CCNF: variants seen among roughly 807,000 people sequenced by gnomAD.
CCNF encodes cyclin F, also known as cyclin-F.
Under a neutral mutation model 85.4 loss-of-function variants are expected in CCNF, and 30 were observed. That is an observed-to-expected ratio of 0.35 (90% confidence interval 0.26 to 0.48). The LOEUF (loss-of-function observed/expected upper bound fraction) is 0.48, where lower values mean the gene tolerates loss of function less well. CCNF is among the 20% of genes least tolerant of loss of function. CCNF has a pLI of 0.99. For synonymous variants in CCNF, 439 were observed against 425.1 expected, an observed-to-expected ratio of 1.03 and a Z score of -0.40; for missense variants, 919 against 1,010.4, an observed-to-expected ratio of 0.91 and a Z score of 1.23.
rs202217366 is a variant in CCNF, at chr16:2,449,809, G to T, written c.1400-19G>T. On this transcript the variant is annotated intron_variant, in intron 12 of 16. Transcript: ENST00000397066. ...CGTCCCCTCCATCCCCTCCACCCCT[G>T]GCCTGCTTTCCTCCCCAGCACAGCC... 63 of 682,204 alleles carry T rather than the reference G, an allele frequency of 9.2e-5. No individual in the cohort carries two copies. The East Asian group carries it at 5.8e-3, about 63-fold the overall frequency. The allele number at this position is 682,204 out of a possible 1,614,324, so 42.3% of individuals were successfully genotyped here. A position where few individuals can be genotyped will look rare whatever the true frequency, so the allele number is the denominator to read the frequency against.
rs767962309 is a variant in CCNF, at chr16:2,453,497, C to A, written c.1675C>A (p.His559Asn). 4 of 1,614,050 alleles carry A rather than the reference C, an allele frequency of 2.5e-6. No homozygotes were observed. In the Admixed American group the frequency reaches 5.0e-5, roughly 20 times the overall value. ...GACTTTCCTCAGCACAGGGGAGATC[C>A]ACGCCTTCCTCAGCTCTCCCTCGGG... ...PPTFLSTGEI[H>N]AFLSSPSGRR... Residue 559 changes from histidine (H) to asparagine (N), a missense_variant, in exon 15 of 17, where the codon CAC (histidine) becomes AAC (asparagine). This residue lies in a region of CCNF where 505 missense variants were observed against 514.8 expected (regional missense o/e 0.98). Transcript: ENST00000397066. The surrounding 1 kb of genome is among the most constrained non-coding windows in gnomAD (Gnocchi z 5.6).
Position 2,435,742 on chromosome 16 carries a change from C to T in CCNF, c.279-64C>T, listed in dbSNP as rs1026452292. ...ACAAGTATTCTGACTTCTTCAAGTG[C>T]TGTAGTAGTTCATAACGTTTGTGGC... On this transcript the variant is annotated intron_variant, in intron 3 of 16. Coordinates refer to ENST00000397066, the MANE Select transcript of CCNF (RefSeq NM_001761.3). 6 of 1,064,126 alleles carry T rather than the reference C, an allele frequency of 5.6e-6. No homozygotes were observed. The East Asian group carries it at 7.2e-5, about 13-fold the overall frequency. The allele number at this position is 1,064,126 out of a possible 1,614,324, so 65.9% of individuals were successfully genotyped here.
At chr16:2,437,443 G>A (rs2065297581) in intron 5 of CCNF, 121 bp downstream of exon 5, 1 of 705,832 alleles carries the variant, frequency 1.4e-6, no homozygotes, top group Non-Finnish European at 2.2e-6. Flanking sequence ...TGAAGATGCA[G>A]AAAACTGAGA....
intron 10 of CCNF, among the ~76,000 whole-genome samples, chr16:2,446,136 G>A (rs1056956635): frequency 2.6e-5 from 4 of 152,200 alleles, no homozygotes; most frequent in African/African-American, 9.6e-5. Context: ...CCTTCAGCGT[G>A]TGGGGGCCGC....
intron 4 of CCNF, 194 bp downstream of exon 4, chr16:2,436,067 G>T: frequency 2.1e-6 from 1 of 473,386 alleles, no homozygotes; most frequent in Non-Finnish European, 3.8e-6. Flanking sequence ...CTCTGACTTT[G>T]CAGGTTACGA....
At chr16:2,443,567 GC>G in intron 8 of CCNF, 81 bp from the exon 9 acceptor site, 2 of 1,427,886 alleles carry the variant, frequency 1.4e-6, no homozygotes, top group Non-Finnish European at 1.9e-6. Flanking sequence ...TGCATTTGGT[GC>G]CTGAATGGGC....
At chr16:2,439,319 A>C in intron 6 of CCNF, 34 bp from the exon 7 acceptor site, 1 of 1,499,290 alleles carries the variant, frequency 6.7e-7, no homozygotes, top group Non-Finnish European at 9.1e-7. Context: ...AAAAAGAATA[A>C]GGGAACAATG....
Position 2,439,446 on chromosome 16 carries a change from A to C in CCNF, c.688A>C (p.Arg230=), listed in dbSNP as rs2065309474. 6.2e-7 allele frequency: 1 copy of C among 1,608,984 alleles called. No individual in the cohort carries two copies. The highest frequency in any genetic ancestry group is 1.3e-5 in the African/African-American group (1 of 74,854). Residue 230 remains arginine, a synonymous_variant, in exon 7 of 17, where the codon AGG becomes CGG. Transcript: ENST00000397066. The stretch of plus-strand genomic sequence containing the variant: ...CTCCTACCTCCTCTGGGAAAGCGAC[A>C]GGAGGACAGATGTGAGTGGTGCCTG... ...TSSYLLWESD[R]RTDVSDPGRC...
chr16:2,454,340 C>G (rs1364755881), intron 15 of CCNF, among the ~76,000 whole-genome samples: 1 of 152,226 alleles, frequency 6.6e-6, no homozygotes, highest in Non-Finnish European at 1.5e-5. Flanking sequence ...AGACCTGACC[C>G]TCCTGTGTCA....
intron 4 of CCNF, chr16:2,436,183 G>A (rs1312282945): frequency 3.9e-6 from 1 of 256,882 alleles, no homozygotes; most frequent in Non-Finnish European, 7.6e-6. Flanking sequence ...TGTGCGCCAT[G>A]AGCACGCAGA....
Position 2,449,307 on chromosome 16 carries a change from A to T in CCNF, c.1244A>T (p.Glu415Val). ...IRVPTVVDYK[E>V]VLLTLVPVEL... Reference sequence around the variant, plus strand: ...GTCCCCACTGTGGTGGATTACAAGGAGGTCCTGCTGACGCTAGTCCCTGTG... The same window carrying T: ...GTCCCCACTGTGGTGGATTACAAGGTGGTCCTGCTGACGCTAGTCCCTGTG... The change falls in exon 12 of 17, where the codon GAG becomes GTG. Residue 415 changes from glutamate to valine, a missense_variant. By Grantham distance (121) the Glu-to-Val change is moderately radical (BLOSUM62 -2). Coordinates refer to ENST00000397066, the MANE Select transcript of CCNF (RefSeq NM_001761.3). 6.2e-7 allele frequency: 1 copy of T among 1,613,874 alleles called. No homozygotes were observed. Among genetic ancestry groups the T allele is most frequent in the Non-Finnish European group, 8.5e-7 (1 of 1,179,946 alleles).
chr16:2,433,618 C>T lies in CCNF; in HGVS notation c.278+551C>T, dbSNP rs567887159. Among the ~76,000 whole-genome samples, 10 of 152,208 alleles carry T rather than the reference C, an allele frequency of 6.6e-5. No homozygotes were observed. The East Asian group carries it at 1.4e-3, about 21-fold the overall frequency. On this transcript the variant is annotated intron_variant, in intron 3 of 16. Transcript: ENST00000397066. The stretch of plus-strand genomic sequence containing the variant: ...TTGTTTTTTTCTTGAGACGGAGTCT[C>T]GCTCTGTCACCAGGCTGGAGTGCAG...
At chr16:2,436,188 C>T (rs534572533) in intron 4 of CCNF, 107 of 246,948 alleles carry the variant, frequency 4.3e-4, no homozygotes, top group African/African-American at 2.1e-3. Flanking sequence ...GCCATGAGCA[C>T]GCAGACCTGC....
Position 2,453,624 on chromosome 16 carries a change from G to A in CCNF, c.1715+87G>A. On this transcript the variant is annotated intron_variant, in intron 15 of 16. Coordinates refer to ENST00000397066, the MANE Select transcript of CCNF (RefSeq NM_001761.3). The surrounding 1 kb of genome is among the most constrained non-coding windows in gnomAD (Gnocchi z 5.6). ...CCCTCAGCGCTTCCTCACACAGAGAGGCCCCCAAGGCTTGTCAGGGGAGCA... is the reference window on the plus strand; with the variant it reads ...CCCTCAGCGCTTCCTCACACAGAGAAGCCCCCAAGGCTTGTCAGGGGAGCA... 6.5e-7 allele frequency: 1 copy of A among 1,536,966 alleles called. No individual in the cohort carries two copies.
intron 3 of CCNF, among the ~76,000 whole-genome samples, chr16:2,433,441 G>A (rs1458857023): frequency 2.0e-5 from 3 of 152,168 alleles, no homozygotes; most frequent in Admixed American, 2.0e-4. Flanking sequence ...CTCACTGGCT[G>A]ATCCCACCCC....
At chr16:2,435,317 C>T (rs2065283293) in intron 3 of CCNF, among the ~76,000 whole-genome samples, 1 of 150,734 alleles carries the variant, frequency 6.6e-6, no homozygotes, top group South Asian at 2.1e-4. Context: ...ATGGCTCAAG[C>T]CTATAATCCC....
At chr16:2,431,675 G>C (rs1471121024) in intron 2 of CCNF, among the ~76,000 whole-genome samples, 1 of 64,186 alleles carries the variant, frequency 1.6e-5, no homozygotes, top group Non-Finnish European at 2.7e-5. Flanking sequence ...GCGAGACTCT[G>C]TCTCAAAAAA....
In CCNF at chr16:2,437,340, G is replaced by T; in HGVS notation, c.540+18G>T. On this transcript the variant is annotated intron_variant, in intron 5 of 16. Coordinates refer to ENST00000397066, the MANE Select transcript of CCNF (RefSeq NM_001761.3). The stretch of plus-strand genomic sequence containing the variant: ...TGCAGAGGGTGAGTCTGGGCGAGGG[G>T]CAGCACCTGCGAGGCCACCTGCAGG... 6.4e-7 allele frequency: 1 copy of T among 1,553,812 alleles called. No individual in the cohort carries two copies.
rs754284159 is a variant in CCNF, at chr16:2,437,256, G to A, written c.474G>A (p.Ser158=). 31 of 1,611,070 alleles carry A rather than the reference G, an allele frequency of 1.9e-5. No individual in the cohort carries two copies. The highest frequency in any genetic ancestry group is 2.2e-5 in the East Asian group (1 of 44,844). ...GGCTCTTCATCCGCCCTCCGTGGTC[G>A]GTGAGCGGAAGCTGCTGCAAGGCCG... ...FIWLFIRPPW[S]VSGSCCKAVV... Residue 158 remains serine, a synonymous_variant, in exon 5 of 17, where the codon TCG becomes TCA. Transcript: ENST00000397066.
Sources: gnomAD v4.1 joint callset for allele counts (sites outside exome capture counted in the v4.1 genomes callset) on GRCh38, gnomAD v4.1.1 for gene constraint, gnomAD v4.1.1 regional missense constraint, Gnocchi (gnomAD v3.1) non-coding constraint, MANE v1.5 for transcripts, NCBI Gene and HGNC (gene_info 2026-07-23, HGNC 2026-07-21) for gene names.